Variants in SPMAP2 observed in about 807,000 individuals in gnomAD.
The protein encoded by SPMAP2 is Theg homolog.
chr19:374,491 C>T, the SPMAP2 span: 24 of 1,601,710 alleles, frequency 1.5e-5, no homozygotes, highest in East Asian at 1.6e-4. Context: ...CCCAGAGAAG[C>T]GTGGGTCTTG....
chr19:375,581 A>C, the SPMAP2 span: 1 of 1,378,220 alleles, frequency 7.3e-7, no homozygotes, highest in Non-Finnish European at 9.7e-7. Context: ...TCGCCCGCCC[A>C]GGGGGCTGCT....
chr19:364,291 C>T, the SPMAP2 span, among the ~76,000 whole-genome samples: 7 of 140,018 alleles, frequency 5.0e-5, no homozygotes, highest in Admixed American at 7.6e-5. Flanking sequence ...GAGCTGAGAT[C>T]GCGCCACTGC....
the SPMAP2 span, among the ~76,000 whole-genome samples, chr19:374,956 C>T: frequency 3.7e-4 from 57 of 152,366 alleles, no homozygotes; most frequent in Non-Finnish European, 6.9e-4. Flanking sequence ...TCCCCTCACA[C>T]TCCTGCTGTT....
At chr19:375,225 C>G in the SPMAP2 span, among the ~76,000 whole-genome samples, 1 of 152,178 alleles carries the variant, frequency 6.6e-6, no homozygotes, top group South Asian at 2.1e-4. Context: ...AGAACGTGTT[C>G]CTCCCGACCA....
the SPMAP2 span, chr19:367,185 T>C: frequency 6.2e-7 from 1 of 1,607,912 alleles, no homozygotes; most frequent in East Asian, 2.3e-5. Context: ...ATCCGCGAGC[T>C]GGGGACTGCC....
At chr19:374,203 G>A in the SPMAP2 span, 3 of 1,560,114 alleles carry the variant, frequency 1.9e-6, no homozygotes, top group Non-Finnish European at 2.6e-6. Context: ...AGCTGGGGGA[G>A]GGGAGCCGAG....
the SPMAP2 span, among the ~76,000 whole-genome samples, chr19:366,709 G>A: frequency 6.6e-6 from 1 of 152,174 alleles, no homozygotes; most frequent in South Asian, 2.1e-4. Context: ...AAATGGCCAA[G>A]CAACTTCTCT....
At chr19:373,691 G>A in the SPMAP2 span, among the ~76,000 whole-genome samples, 1 of 152,052 alleles carries the variant, frequency 6.6e-6, no homozygotes, top group African/African-American at 2.4e-5. Context: ...GGCGGGACGC[G>A]TGGATTATTG....
the SPMAP2 span, among the ~76,000 whole-genome samples, chr19:363,973 G>GCTA: frequency 6.6e-6 from 1 of 152,134 alleles, no homozygotes; most frequent in Non-Finnish European, 1.5e-5. Flanking sequence ...AGTAGCTGGG[G>GCTA]CTACAGTCAT....
the SPMAP2 span, among the ~76,000 whole-genome samples, chr19:363,062 G>C: frequency 6.6e-6 from 1 of 152,320 alleles, no homozygotes; most frequent in South Asian, 2.1e-4. Flanking sequence ...AGACGGGAAT[G>C]GGGAGTGACA....
At chr19:366,749 G>T in the SPMAP2 span, among the ~76,000 whole-genome samples, 22 of 152,318 alleles carry the variant, frequency 1.4e-4, no homozygotes, top group African/African-American at 5.1e-4. Flanking sequence ...CCTTGTCGTT[G>T]AGGAAAATGG....
chr19:363,430 C>T, the SPMAP2 span, among the ~76,000 whole-genome samples: 107 of 152,072 alleles, frequency 7.0e-4, no homozygotes, highest in African/African-American at 2.3e-3. Context: ...TGACCTCAGG[C>T]GATCCGCCCG....
At chr19:362,413 C>T in the SPMAP2 span, 2 of 1,604,146 alleles carry the variant, frequency 1.2e-6, no homozygotes, top group Non-Finnish European at 1.7e-6. Flanking sequence ...ACTTGTCCGA[C>T]TGAGCTTTGG....
At chr19:374,144 TC>T in the SPMAP2 span, 1 of 1,464,398 alleles carries the variant, frequency 6.8e-7, no homozygotes, top group Non-Finnish European at 9.4e-7. Context: ...TCTGGCCACC[TC>T]CTTAACTGGC....
the SPMAP2 span, chr19:362,105 TTC>T: frequency 1.1e-6 from 1 of 949,968 alleles, no homozygotes; most frequent in East Asian, 2.9e-5. Flanking sequence ...TCTTTTGGCC[TTC>T]TAGCCCGCCC....
the SPMAP2 span, among the ~76,000 whole-genome samples, chr19:364,273 C>T: frequency 5.9e-4 from 82 of 139,984 alleles, no homozygotes; most frequent in African/African-American, 2.2e-3. Context: ...GGAGGCGGAG[C>T]TTGCAGTGAG....
At chr19:361,861 T>C in the SPMAP2 span, 1 of 128,614 alleles carries the variant, frequency 7.8e-6, no homozygotes, top group East Asian at 2.2e-4. Flanking sequence ...TGACTGTGGC[T>C]GTCGTTCCGA....
At chr19:364,790 T>A in the SPMAP2 span, among the ~76,000 whole-genome samples, 2 of 151,244 alleles carry the variant, frequency 1.3e-5, no homozygotes, top group African/African-American at 4.9e-5. Flanking sequence ...CCCCTTCCTT[T>A]ATAGCAGGGA....
At chr19:364,327 G>T in the SPMAP2 span, among the ~76,000 whole-genome samples, 1 of 110,908 alleles carries the variant, frequency 9.0e-6, no homozygotes, top group Non-Finnish European at 1.7e-5. Flanking sequence ...ACAGAGCGAA[G>T]CTCTGTCTCA....
Sources: gnomAD v4.1 joint callset for allele counts (sites outside exome capture counted in the v4.1 genomes callset) on GRCh38, gnomAD v4.1.1 for gene constraint, MANE v1.5 for transcripts, NCBI Gene and HGNC (gene_info 2026-07-23, HGNC 2026-07-21) for gene names.